The following ZNF761 variants were observed in gnomAD, a reference collection of about 807,000 sequenced individuals.
ZNF761 encodes the protein zinc finger protein 761.
Under a neutral mutation model 59.9 loss-of-function variants are expected in ZNF761, and 43 were observed. The ratio of observed to expected loss-of-function variants is 0.72; its 90% CI spans 0.56 to 0.92. The LOEUF is 0.92. ZNF761 is among the 40% of genes least tolerant of loss of function. ZNF761 has a pLI of 0.00. For synonymous variants in ZNF761, 294 were observed against 304.8 expected, an observed-to-expected ratio of 0.96 and a Z score of 0.37; for missense variants, 850 against 906.1, an observed-to-expected ratio of 0.94 and a Z score of 0.79.
At chr19:53,446,862 T>G (rs887944499) in intron 2 of ZNF761, among the ~76,000 whole-genome samples, 1 of 152,144 alleles carries the variant, frequency 6.6e-6, no homozygotes, top group African/African-American at 2.4e-5. Context: ...GCTCAAGAGA[T>G]CTATCTGCCT....
At position 53,454,688 on chromosome 19, in the gene ZNF761, A is replaced by G. The variant is rs1370884712; in HGVS notation, c.181A>G (p.Thr61Ala). ...ATGCACGATGAAGGAGTTCTTGTCAACAGCGCAAGGCAACAGAGAAGTGTT... is the reference window on the plus strand; with the variant it reads ...ATGCACGATGAAGGAGTTCTTGTCAGCAGCGCAAGGCAACAGAGAAGTGTT... ...SKCTMKEFLS[T>A]AQGNREVFHA... The change falls in exon 5 of 5, where the codon ACA (threonine) becomes GCA (alanine). Residue 61 changes from threonine (T) to alanine (A), a missense_variant. Physicochemically the swap from Thr to Ala is moderately conservative, Grantham distance 58. Transcript: ENST00000684525. The G allele has an allele frequency of 6.2e-7, 1 of 1,606,684 alleles. No individual in the cohort carries two copies. Among genetic ancestry groups the G allele is most frequent in the Admixed American group, 1.7e-5 (1 of 59,124 alleles).
intron 4 of ZNF761, 73 bp downstream of exon 4, chr19:53,449,711 C>A (rs892338906): frequency 2.0e-5 from 31 of 1,588,076 alleles, no homozygotes; most frequent in Middle Eastern, 3.4e-4. Context: ...TTTTTAGATA[C>A]AGTGTCTTGC....
Position 53,456,708 on chromosome 19 carries a change from C to T in ZNF761, c.2201C>T (p.Thr734Ile). The change falls in exon 5 of 5, where the codon ACA (threonine) becomes ATA (isoleucine). Residue 734 changes from threonine (T) to isoleucine (I), a missense_variant. Coordinates refer to ENST00000684525, the MANE Select transcript of ZNF761 (RefSeq NM_001289951.2). ...ACCTTTAGTCAGAAGTCAAACCTTA[C>T]ATGCCATCGTAGACTTCATACTGGA... ...GKTFSQKSNL[T>I]CHRRLHTGEK... 5 of 1,613,564 alleles carry T rather than the reference C, an allele frequency of 3.1e-6. No homozygotes were observed. Among genetic ancestry groups the T allele is most frequent in the African/African-American group, 1.3e-5 (1 of 74,884 alleles).
chr19:53,450,740 T>A (rs1304462877), intron 4 of ZNF761, among the ~76,000 whole-genome samples: 3 of 152,164 alleles, frequency 2.0e-5, no homozygotes, highest in Admixed American at 2.0e-4. Flanking sequence ...CTCACGCCTG[T>A]AATCCCAGCA....
intron 1 of ZNF761, among the ~76,000 whole-genome samples, chr19:53,436,445 C>T (rs1252852528): frequency 6.6e-5 from 10 of 152,148 alleles, no homozygotes; most frequent in African/African-American, 2.4e-4. Flanking sequence ...TTAGGGCAGG[C>T]CGACTGAACA....
chr19:53,447,324 T>C (rs1203210303), intron 3 of ZNF761, 41 bp downstream of exon 3: 1 of 1,609,280 alleles, frequency 6.2e-7, no homozygotes, highest in East Asian at 2.2e-5. Context: ...TCTCCTTCCT[T>C]TCAGAAATGC....
chr19:53,440,823 G>A (rs1343842690), intron 1 of ZNF761, among the ~76,000 whole-genome samples: 1 of 152,076 alleles, frequency 6.6e-6, no homozygotes, highest in Non-Finnish European at 1.5e-5. Flanking sequence ...TCACAGGCAT[G>A]AGCCACCAAG....
At chr19:53,434,708 T>C (rs931061015) in intron 1 of ZNF761, among the ~76,000 whole-genome samples, 1 of 152,222 alleles carries the variant, frequency 6.6e-6, no homozygotes, top group Non-Finnish European at 1.5e-5. Context: ...CTTGAACTTG[T>C]GGGCATCGGT....
At position 53,456,003 on chromosome 19, in the gene ZNF761, GT is replaced by G; in HGVS notation, c.1497del (p.Cys499TrpfsTer65). 3 of 1,614,026 alleles carry G rather than the reference GT, an allele frequency of 1.9e-6. No homozygotes were observed. Among genetic ancestry groups the G allele is most frequent in the Non-Finnish European group, 1.7e-6 (2 of 1,179,946 alleles). On this transcript the variant is annotated frameshift_variant, in exon 5 of 5. Transcript: ENST00000684525. LOFTEE classifies it high-confidence loss of function. ...GAGAAACCATACAAGTGTAATGAGTGTGGCAAGACCTTTAGTCGGAAGTCAT... is the reference window on the plus strand; with the variant it reads ...GAGAAACCATACAAGTGTAATGAGTGGGCAAGACCTTTAGTCGGAAGTCAT... ...TGEKPYKCNE[C>X]GKTFSRKSYL...
rs748546093 is a variant in ZNF761 at position 53,454,770 on chromosome 19, A to G, written c.263A>G (p.Gln88Arg). Residue 88 changes from glutamine to arginine, a missense_variant, in exon 5 of 5, where the codon CAG (glutamine) becomes CGG (arginine). By Grantham distance (43) the Gln-to-Arg change is conservative. Transcript: ENST00000684525. Reference protein sequence around the residue: ...ESHHNGDFCYQDVDKDIHDYE... With the variant: ...ESHHNGDFCYRDVDKDIHDYE... ...CATCACAATGGAGATTTTTGCTACC[A>G]GGATGTTGATAAAGATATTCATGAC... 5 of 1,614,060 alleles carry G rather than the reference A, an allele frequency of 3.1e-6. No homozygotes were observed. The highest frequency in any genetic ancestry group is 3.4e-6 in the Non-Finnish European group (4 of 1,180,044).
rs1568808645 is a variant in ZNF761, at chr19:53,447,257, A to G, written c.-12A>G. On this transcript the variant is annotated 5_prime_UTR_variant, in exon 3 of 5. Coordinates refer to ENST00000684525, the MANE Select transcript of ZNF761 (RefSeq NM_001289951.2). ...AACCCGGAAGAGGAAGAGGAGAGCA[A>G]AGGAGTCAGGGATGGCTTTTTCTCA... 1 of 1,612,852 alleles carries G rather than the reference A, an allele frequency of 6.2e-7. No homozygotes were observed. Among genetic ancestry groups the G allele is most frequent in the Non-Finnish European group, 8.5e-7 (1 of 1,179,472 alleles).
rs1250970051 is a variant in ZNF761 at position 53,447,289 on chromosome 19, A to C, written c.15+6A>C. On this transcript the variant is annotated splice_donor_region_variant and intron_variant, in intron 3 of 4. Transcript: ENST00000684525. ...CAGGGATGGCTTTTTCTCAGGTGAG[A>C]TGATATTTTCAGTGGATTGTTCTGT... 6.2e-7 allele frequency: 1 copy of C among 1,613,078 alleles called. No individual in the cohort carries two copies. The highest frequency in any genetic ancestry group is 8.5e-7 in the Non-Finnish European group (1 of 1,179,424).
rs138460338 is a variant in ZNF761 at position 53,437,935 on chromosome 19, A to G, written c.-185+5907A>G. Among the ~76,000 whole-genome samples, 1,597 of 137,552 alleles carry G rather than the reference A, an allele frequency of 0.012. 131 individuals carry two copies. The East Asian group carries it at 0.13, about 11-fold the overall frequency. The allele number at this position is 137,552 out of a possible 152,430, so 90.2% of individuals were successfully genotyped here. ...TCCGGTAGGCAGAGGCTGAGCCTCT[A>G]CTACTGAGTCTGATGTTACCACTGT... On this transcript the variant is annotated intron_variant, in intron 1 of 4. Transcript: ENST00000684525.
chr19:53,442,176 G>A lies in ZNF761; in HGVS notation c.-184-4051G>A, dbSNP rs538370626. On this transcript the variant is annotated intron_variant, in intron 1 of 4. Transcript: ENST00000684525. ...TGGGCCTTAAAAGATGAAGAAGATG[G>A]AACTCCAGGAAATCCAACTCAAAGA... 2.1e-3 allele frequency: 2,362 copies of A among 1,100,784 alleles called. 11 individuals are homozygous for A. Among genetic ancestry groups the A allele is most frequent in the Middle Eastern group, 7.2e-3 (35 of 4,830 alleles). 68.2% of individuals were successfully genotyped at this position (1,100,784 alleles called of 1,614,324 possible).
chr19:53,449,899 T>G (rs1004698098), intron 4 of ZNF761: 17 of 734,800 alleles, frequency 2.3e-5, no homozygotes, highest in Admixed American at 3.3e-5. Context: ...GCTGTGTTGT[T>G]GAAATTCATC....
At chr19:53,453,703 C>G (rs1479733985) in intron 4 of ZNF761, among the ~76,000 whole-genome samples, 1 of 151,972 alleles carries the variant, frequency 6.6e-6, no homozygotes. Context: ...TGTTGAAACC[C>G]TATTTCTACT....
At position 53,457,441 on chromosome 19, in the gene ZNF761, T is replaced by G. The variant is rs2086282240; in HGVS notation, c.*693T>G. 2.5e-6 allele frequency: 1 copy of G among 402,268 alleles called. No homozygotes were observed. The highest frequency in any genetic ancestry group is 3.3e-5 in the Admixed American group (1 of 30,598). The allele number at this position is 402,268 out of a possible 1,614,324, so 24.9% of individuals were successfully genotyped here. A position where few individuals can be genotyped will look rare whatever the true frequency, so the allele number is the denominator to read the frequency against. On this transcript the variant is annotated 3_prime_UTR_variant, in exon 5 of 5. Transcript: ENST00000684525. ...TGATGATAGTGGCAAAGCCTTCACTTCACACCTCATGAGACATCAGAGAAT... is the reference window on the plus strand; with the variant it reads ...TGATGATAGTGGCAAAGCCTTCACTGCACACCTCATGAGACATCAGAGAAT...
intron 1 of ZNF761, chr19:53,442,827 A>G (rs2086114341): frequency 9.1e-6 from 4 of 441,628 alleles, no homozygotes; most frequent in Non-Finnish European, 4.3e-6. Context: ...TTTGCAAACA[A>G]CATTTAAGGG....
chr19:53,442,415 T>A, intron 1 of ZNF761: 1 of 912,586 alleles, frequency 1.1e-6, no homozygotes, highest in Non-Finnish European at 1.8e-6. Flanking sequence ...AAGACAAATG[T>A]GAGGAAGAGA....
Sources: gnomAD v4.1 joint callset for allele counts (sites outside exome capture counted in the v4.1 genomes callset) on GRCh38, gnomAD v4.1.1 for gene constraint, MANE v1.5 for transcripts, NCBI Gene and HGNC (gene_info 2026-07-23, HGNC 2026-07-21) for gene names.